The following CLVS2 variants were observed in gnomAD, a reference collection of about 807,000 sequenced individuals.
CLVS2 encodes the protein clavesin 2.
CLVS2 carries 19 observed loss-of-function variants against 29.0 expected under a neutral mutation model. The observed-to-expected ratio is 0.66, with a 90% confidence interval of 0.46 to 0.96. CLVS2 has a LOEUF of 0.96. Ranked by LOEUF, CLVS2 falls within the 40% of genes least tolerant of loss-of-function variation. CLVS2 has a pLI of 0.00. For missense variants in CLVS2, 294 were observed against 404.1 expected (o/e 0.73, Z 2.34); for synonymous variants, 161 against 151.3 (o/e 1.06, Z -0.47).
At chr6:123,060,896 A>G (rs1053090472) in intron 5 of CLVS2, among the ~76,000 whole-genome samples, 1 of 152,268 alleles carries the variant, frequency 6.6e-6, no homozygotes, top group African/African-American at 2.4e-5. Flanking sequence ...CTTAAACACT[A>G]TGTATTGTAG....
At chr6:123,043,113 T>C (rs7774522) in intron 3 of CLVS2, among the ~76,000 whole-genome samples, 50,821 of 151,860 alleles carry the variant, frequency 0.33, 9,566 homozygotes, top group East Asian at 0.7. Flanking sequence ...TTATATGTGT[T>C]GTACACCTCT....
chr6:123,035,015 A>C (rs1006273121), intron 3 of CLVS2, among the ~76,000 whole-genome samples: 8 of 152,338 alleles, frequency 5.3e-5, no homozygotes, highest in Admixed American at 5.2e-4. Context: ...AGGCACAATA[A>C]ATACTTGTTG....
Position 123,064,070 on chromosome 6 carries a change from G to A in CLVS2, c.*309G>A. On this transcript the variant is annotated 3_prime_UTR_variant, in exon 6 of 6. Transcript: ENST00000275162. The stretch of plus-strand genomic sequence containing the variant: ...GGTTGGCTCAAAAGTCCATGCCAGT[G>A]TTATGAACTATAACAAAAAGCAGAA... 1 of 217,290 alleles carries A rather than the reference G, an allele frequency of 4.6e-6. No homozygotes were observed. The highest frequency in any genetic ancestry group is 1.0e-4 in the South Asian group (1 of 9,892). The allele number at this position is 217,290 out of a possible 1,614,324, so 13.5% of individuals were successfully genotyped here.
rs955231511 is a variant in CLVS2 at position 123,064,238 on chromosome 6, T to A, written c.*477T>A. 2 of 152,228 alleles carry A rather than the reference T, an allele frequency of 1.3e-5. No individual in the cohort carries two copies. Among genetic ancestry groups the A allele is most frequent in the Non-Finnish European group, 2.9e-5 (2 of 68,050 alleles). 9.4% of individuals were successfully genotyped at this position (152,228 alleles called of 1,614,324 possible). A position where few individuals can be genotyped will look rare whatever the true frequency, so the allele number is the denominator to read the frequency against. On this transcript the variant is annotated 3_prime_UTR_variant, in exon 6 of 6. Transcript: ENST00000275162. ...TTAACGGGCACACACAACTAAGTGA[T>A]TCCAGGAAATTTTATGATTAATGTA...
chr6:123,003,743 G>T (rs1001056449), intron 2 of CLVS2, among the ~76,000 whole-genome samples: 1 of 152,212 alleles, frequency 6.6e-6, no homozygotes, highest in African/African-American at 2.4e-5. Context: ...AGCTAATGAG[G>T]ACACTGTTTA....
intron 4 of CLVS2, among the ~76,000 whole-genome samples, chr6:123,052,510 TAG>T (rs925511895): frequency 2.0e-5 from 3 of 152,108 alleles, no homozygotes; most frequent in Non-Finnish European, 1.5e-5. Context: ...CTGTTGAGAA[TAG>T]AGTGTAGGTG....
chr6:123,059,909 G>A (rs147021686), intron 5 of CLVS2, among the ~76,000 whole-genome samples: 1 of 152,138 alleles, frequency 6.6e-6, no homozygotes, highest in Non-Finnish European at 1.5e-5. Context: ...GTTTCCTGCT[G>A]GTGTCATGGG....
chr6:123,027,135 A>C (rs1775014333), intron 3 of CLVS2, among the ~76,000 whole-genome samples: 1 of 152,182 alleles, frequency 6.6e-6, no homozygotes, highest in Admixed American at 6.5e-5. Flanking sequence ...AAAGTAAAGA[A>C]GTCATCTGTT....
intron 5 of CLVS2, among the ~76,000 whole-genome samples, chr6:123,059,634 G>C (rs1455295820): frequency 6.6e-6 from 1 of 152,156 alleles, no homozygotes; most frequent in Non-Finnish European, 1.5e-5. Flanking sequence ...GGTTGCTGTT[G>C]TTGTCACTGT....
chr6:123,013,777 A>G (rs2114311172), intron 3 of CLVS2, among the ~76,000 whole-genome samples: 1 of 152,052 alleles, frequency 6.6e-6, no homozygotes, highest in East Asian at 1.9e-4. Flanking sequence ...GTCATTTAGC[A>G]TTAGGTATAT....
intron 5 of CLVS2, among the ~76,000 whole-genome samples, chr6:123,061,489 A>C (rs941584038): frequency 2.6e-5 from 4 of 152,146 alleles, no homozygotes; most frequent in African/African-American, 9.7e-5. Context: ...ACAACTAAAT[A>C]CCAAAAAGAA....
At chr6:123,021,759 G>A (rs570686775) in intron 3 of CLVS2, among the ~76,000 whole-genome samples, 6 of 152,200 alleles carry the variant, frequency 3.9e-5, no homozygotes, top group Admixed American at 2.0e-4. Context: ...TCACTCAGAT[G>A]GGGATGAGAT....
chr6:123,039,865 C>A (rs893623167), intron 3 of CLVS2, among the ~76,000 whole-genome samples: 1 of 152,086 alleles, frequency 6.6e-6, no homozygotes, highest in Non-Finnish European at 1.5e-5. Flanking sequence ...GTAAAACTCC[C>A]TCTTTCAAGG....
intron 3 of CLVS2, among the ~76,000 whole-genome samples, chr6:123,046,606 C>T (rs944150217): frequency 2.6e-5 from 4 of 151,192 alleles, no homozygotes; most frequent in Non-Finnish European, 5.9e-5. Context: ...TTGCAGTGAG[C>T]CGAGATTGCG....
At chr6:123,041,433 A>G (rs530521945) in intron 3 of CLVS2, among the ~76,000 whole-genome samples, 5 of 152,300 alleles carry the variant, frequency 3.3e-5, no homozygotes, top group Non-Finnish European at 7.4e-5. Context: ...CACCGAGAAG[A>G]TATGTCACTT....
intron 3 of CLVS2, among the ~76,000 whole-genome samples, chr6:123,020,855 T>C (rs911572417): frequency 6.6e-5 from 10 of 152,096 alleles, no homozygotes; most frequent in Admixed American, 1.3e-4. Flanking sequence ...CTTTATGTTA[T>C]AATTTTTCCC....
chr6:123,012,551 T>C (rs1005085679), intron 3 of CLVS2, among the ~76,000 whole-genome samples: 4 of 151,912 alleles, frequency 2.6e-5, no homozygotes, highest in Non-Finnish European at 4.4e-5. Flanking sequence ...ACCTACTTTA[T>C]GGAGTTTTTT....
intron 5 of CLVS2, 49 bp downstream of exon 5, chr6:123,056,075 G>T (rs1772689870): frequency 4.7e-6 from 6 of 1,280,970 alleles, no homozygotes; most frequent in Non-Finnish European, 6.7e-6. Flanking sequence ...GCAGGGAGAG[G>T]CATCCTGAGT....
At chr6:123,033,458 T>C (rs1420534391) in intron 3 of CLVS2, among the ~76,000 whole-genome samples, 1 of 151,898 alleles carries the variant, frequency 6.6e-6, no homozygotes, top group East Asian at 1.9e-4. Context: ...AATTAAACAG[T>C]TGAAATATAG....
Sources: allele counts gnomAD v4.1 joint callset (sites outside exome capture counted in the v4.1 genomes callset), GRCh38; gene constraint gnomAD v4.1.1; transcripts MANE v1.5; gene names NCBI Gene and HGNC (gene_info 2026-07-23, HGNC 2026-07-21).